RBMS3: variants seen among roughly 807,000 people sequenced by gnomAD.
The protein encoded by RBMS3 is RNA binding motif single stranded interacting protein 3.
Under a neutral mutation model 66.8 loss-of-function variants are expected in RBMS3, and 27 were observed. That is an observed-to-expected ratio of 0.40 (90% CI 0.30 to 0.56). The LOEUF is 0.56. RBMS3 is among the 20% of genes least tolerant of loss of function. The pLI, the probability that RBMS3 is intolerant of heterozygous loss-of-function variation, is 0.40. For synonymous variants in RBMS3, 188 were observed against 183.0 expected, an observed-to-expected ratio of 1.03 and a Z score of -0.22; for missense variants, 513 against 549.5, an observed-to-expected ratio of 0.93 and a Z score of 0.66.
chr3:29,743,436 A>G (rs1263050906), intron 5 of RBMS3, among the ~76,000 whole-genome samples: 1 of 152,192 alleles, frequency 6.6e-6, no homozygotes, highest in Non-Finnish European at 1.5e-5. Context: ...TGGTTCTCAA[A>G]GTGTGGTTCC....
chr3:29,980,319 A>C (rs188367864), intron 12 of RBMS3, among the ~76,000 whole-genome samples: 2 of 152,302 alleles, frequency 1.3e-5, no homozygotes, highest in African/African-American at 4.8e-5. Flanking sequence ...TTACTTGTAG[A>C]TTCTGGATAT....
At chr3:29,557,087 A>C (rs187541750) in intron 3 of RBMS3, among the ~76,000 whole-genome samples, 6 of 152,288 alleles carry the variant, frequency 3.9e-5, no homozygotes, top group Admixed American at 3.9e-4. Context: ...TTTCCTTAAT[A>C]AATAGCTTTA....
intron 1 of RBMS3, among the ~76,000 whole-genome samples, chr3:29,290,298 G>T (rs2032710491): frequency 6.6e-6 from 1 of 151,848 alleles, no homozygotes; most frequent in African/African-American, 2.4e-5. Context: ...GACTTGGAAT[G>T]ATTTTGGTGA....
chr3:29,965,822 G>T (rs1696802356), intron 12 of RBMS3, among the ~76,000 whole-genome samples: 2 of 151,964 alleles, frequency 1.3e-5, no homozygotes, highest in Admixed American at 6.6e-5. Context: ...TGTCTCGAAG[G>T]GTTTTTCCAA....
intron 11 of RBMS3, among the ~76,000 whole-genome samples, chr3:29,942,510 G>T (rs1577210303): frequency 6.6e-6 from 1 of 151,682 alleles, no homozygotes; most frequent in Non-Finnish European, 1.5e-5. Flanking sequence ...ATGATGGAGT[G>T]AAACCCTGTC....
At chr3:29,763,568 A>G (rs552674180) in intron 6 of RBMS3, among the ~76,000 whole-genome samples, 1 of 152,162 alleles carries the variant, frequency 6.6e-6, no homozygotes, top group South Asian at 2.1e-4. Flanking sequence ...CCCAATCTGG[A>G]CTATCCCAGG....
At chr3:29,927,223 C>T (rs375417494) in intron 10 of RBMS3, 1 of 152,168 alleles carries the variant, frequency 6.6e-6, no homozygotes, top group Non-Finnish European at 1.5e-5. Context: ...TTACGTCCAT[C>T]TTTTTGGCCA....
chr3:29,571,328 A>G (rs1487160183), intron 3 of RBMS3, among the ~76,000 whole-genome samples: 1 of 152,006 alleles, frequency 6.6e-6, no homozygotes, highest in Non-Finnish European at 1.5e-5. Context: ...TTTTAACTTG[A>G]TGAGATCCCA....
chr3:29,447,678 C>A (rs554109980), intron 2 of RBMS3, among the ~76,000 whole-genome samples: 1 of 152,082 alleles, frequency 6.6e-6, no homozygotes, highest in Non-Finnish European at 1.5e-5. Flanking sequence ...GAGAACTTAC[C>A]CAATATAAAC....
chr3:29,924,865 A>C (rs1425058725), intron 10 of RBMS3: 1 of 152,034 alleles, frequency 6.6e-6, no homozygotes, highest in African/African-American at 2.4e-5. Context: ...AAAAAGAGAG[A>C]GAGAGAGAAC....
intron 7 of RBMS3, among the ~76,000 whole-genome samples, chr3:29,875,014 AG>A (rs1018355605): frequency 1.9e-4 from 29 of 152,264 alleles, no homozygotes; most frequent in Admixed American, 7.2e-4. Context: ...TGGGAAATTT[AG>A]GAAGGGCTTA....
At chr3:29,294,554 G>A (rs1206176019) in intron 1 of RBMS3, among the ~76,000 whole-genome samples, 8 of 151,822 alleles carry the variant, frequency 5.3e-5, no homozygotes, top group Non-Finnish European at 1.5e-5. Context: ...AAGTAGCTAG[G>A]ATTTGGAACT....
rs538484613 is a variant in RBMS3 at position 29,701,958 on chromosome 3, C to T, written c.400-37762C>T. 2.4e-4 allele frequency among the ~76,000 whole-genome samples: 37 copies of T among 152,278 alleles called. No individual in the cohort carries two copies. The East Asian group carries it at 5.2e-3, about 22-fold the overall frequency. ...TGTGGGACTGGTGGGCAGCTCTGCC[C>T]GCGGCCGTGGCGCGGGATCCACTAA... On this transcript the variant is annotated intron_variant, in intron 4 of 14. Coordinates refer to ENST00000383767, the MANE Select transcript of RBMS3 (RefSeq NM_001003793.3).
intron 1 of RBMS3, among the ~76,000 whole-genome samples, chr3:29,415,080 C>T (rs934124231): frequency 6.6e-5 from 10 of 152,128 alleles, no homozygotes; most frequent in African/African-American, 1.9e-4. Flanking sequence ...AGTGTTCTCC[C>T]TGTGTAAGAA....
At chr3:29,942,708 C>T (rs1443113127) in intron 11 of RBMS3, among the ~76,000 whole-genome samples, 2 of 151,626 alleles carry the variant, frequency 1.3e-5, no homozygotes, top group African/African-American at 4.8e-5. Context: ...TCTACATTAT[C>T]CAGCTATTCA....
At chr3:29,364,415 T>C (rs1465030108) in intron 1 of RBMS3, among the ~76,000 whole-genome samples, 3 of 152,164 alleles carry the variant, frequency 2.0e-5, no homozygotes, top group African/African-American at 7.2e-5. Context: ...CCAGGGGTTT[T>C]ATCATAAACA....
intron 4 of RBMS3, among the ~76,000 whole-genome samples, chr3:29,734,028 A>C (rs62234946): frequency 0.016 from 2,458 of 150,906 alleles, 46 homozygotes; most frequent in African/African-American, 0.042. Context: ...ACACACACCC[A>C]CACACACACA....
chr3:29,993,778 C>T (rs1699034358), intron 14 of RBMS3, among the ~76,000 whole-genome samples: 3 of 152,234 alleles, frequency 2.0e-5, no homozygotes, highest in Admixed American at 1.3e-4. Context: ...AGTTCTCAGA[C>T]TTTCAGACTC....
At chr3:29,962,857 C>T (rs764392227) in intron 12 of RBMS3, among the ~76,000 whole-genome samples, 3 of 152,118 alleles carry the variant, frequency 2.0e-5, no homozygotes, top group Admixed American at 6.5e-5. Context: ...TGACTCACAG[C>T]TAATGAGGAC....
Sources: gnomAD v4.1 joint callset for allele counts (sites outside exome capture counted in the v4.1 genomes callset) on GRCh38, gnomAD v4.1.1 for gene constraint, MANE v1.5 for transcripts, NCBI Gene and HGNC (gene_info 2026-07-23, HGNC 2026-07-21) for gene names.